The following TASP1 variants were observed in gnomAD, a reference collection of about 807,000 sequenced individuals.
The protein encoded by TASP1 is threonine aspartase 1.
A neutral mutation model predicts 56.6 loss-of-function variants in TASP1; 16 were observed. That is an observed-to-expected ratio of 0.28 (90% CI 0.19 to 0.43). The LOEUF (loss-of-function observed/expected upper bound fraction) is 0.43, where lower values mean the gene tolerates loss of function less well. Among genes scored for constraint, TASP1 ranks in the 20% least tolerant of loss-of-function variants. The pLI, the probability that TASP1 is intolerant of heterozygous loss-of-function variation, is 1.00. For synonymous variants in TASP1, 179 were observed against 184.2 expected, an observed-to-expected ratio of 0.97 and a Z score of 0.23; for missense variants, 393 against 511.6, an observed-to-expected ratio of 0.77 and a Z score of 2.24.
intron 7 of TASP1, among the ~76,000 whole-genome samples, chr20:13,568,651 AT>A (rs889340650): frequency 3.9e-4 from 59 of 152,204 alleles, no homozygotes; most frequent in Non-Finnish European, 5.6e-4. Flanking sequence ...TGGGTATAAG[AT>A]TTTTTTCAAA....
chr20:13,340,103 C>A, the TASP1 span, among the ~76,000 whole-genome samples: 2 of 152,064 alleles, frequency 1.3e-5, 1 homozygote, highest in South Asian at 4.2e-4. Flanking sequence ...GGGCATATGA[C>A]ACATTTCTAG....
At chr20:13,507,483 T>C (rs1177064097) in intron 10 of TASP1, among the ~76,000 whole-genome samples, 1 of 152,226 alleles carries the variant, frequency 6.6e-6, no homozygotes, top group Admixed American at 6.5e-5. Context: ...TGAGCCATGA[T>C]TGTGCAACTG....
chr20:13,519,151 G>T (rs1027477139), intron 10 of TASP1, among the ~76,000 whole-genome samples: 2 of 152,018 alleles, frequency 1.3e-5, no homozygotes, highest in African/African-American at 2.4e-5. Context: ...ATAAAGATAG[G>T]AACAATAGAC....
the TASP1 span, among the ~76,000 whole-genome samples, chr20:13,137,849 GCC>G: frequency 3.3e-5 from 5 of 151,970 alleles, no homozygotes; most frequent in Admixed American, 3.3e-4. Context: ...CCTCATATTT[GCC>G]CCTTCACCAC....
chr20:13,292,393 G>T, the TASP1 span: 3 of 1,604,618 alleles, frequency 1.9e-6, no homozygotes, highest in Non-Finnish European at 2.6e-6. Flanking sequence ...ACACTTTTAG[G>T]ACAGCTGCCA....
In TASP1 at chr20:13,558,999, C is replaced by T. The variant is rs1322599612; in HGVS notation, c.675+9G>A. ...TACATTAATTTGAATATTTCAAACA[C>T]CACCTGACCTTCTCACTTGATTGTC... On this transcript the variant is annotated intron_variant, in intron 8 of 13. Transcript: ENST00000337743. The T allele has an allele frequency of 1.3e-6, 2 of 1,545,352 alleles. No homozygotes were observed. The highest frequency in any genetic ancestry group is 1.8e-6 in the Non-Finnish European group (2 of 1,134,484).
intron 4 of TASP1, among the ~76,000 whole-genome samples, chr20:13,619,704 T>C (rs6514424): frequency 0.26 from 39,899 of 152,046 alleles, 6,613 homozygotes; most frequent in African/African-American, 0.47. Flanking sequence ...CATCCAAATG[T>C]ATAGTCCCAA....
chr20:13,623,723 A>G (rs2048794680), intron 3 of TASP1, among the ~76,000 whole-genome samples: 1 of 152,244 alleles, frequency 6.6e-6, no homozygotes, highest in Admixed American at 6.5e-5. Flanking sequence ...ATATTATTCA[A>G]ATTAAAACAA....
chr20:13,346,058 G>A, the TASP1 span, among the ~76,000 whole-genome samples: 2 of 152,098 alleles, frequency 1.3e-5, no homozygotes, highest in South Asian at 2.1e-4. Flanking sequence ...ATTAACCTTG[G>A]CAATCTGACT....
the TASP1 span, among the ~76,000 whole-genome samples, chr20:13,236,575 A>G: frequency 1.3e-5 from 2 of 152,298 alleles, no homozygotes; most frequent in African/African-American, 2.4e-5. Context: ...CCAAAAGTCC[A>G]CAGTCCAAAG....
the TASP1 span, among the ~76,000 whole-genome samples, chr20:13,382,995 A>T: frequency 6.6e-6 from 1 of 152,170 alleles, no homozygotes; most frequent in South Asian, 2.1e-4. Context: ...AGCCATGTGA[A>T]GCCATCTGGA....
At chr20:13,559,504 T>C (rs1235422700) in intron 7 of TASP1, among the ~76,000 whole-genome samples, 2 of 152,164 alleles carry the variant, frequency 1.3e-5, no homozygotes. Flanking sequence ...GTCTCAATGG[T>C]TGATATTCCC....
intron 12 of TASP1, among the ~76,000 whole-genome samples, chr20:13,423,484 G>T (rs1215578306): frequency 1.3e-5 from 2 of 151,932 alleles, no homozygotes; most frequent in Non-Finnish European, 2.9e-5. Context: ...GTGACATGCT[G>T]CAGTTTAAAA....
At chr20:13,616,368 G>T (rs1315531482) in intron 4 of TASP1, among the ~76,000 whole-genome samples, 5 of 152,086 alleles carry the variant, frequency 3.3e-5, no homozygotes, top group Non-Finnish European at 5.9e-5. Context: ...TACATAGAGA[G>T]TTCCATGCTC....
At chr20:13,221,851 C>G in the TASP1 span, 1 of 1,440,008 alleles carries the variant, frequency 6.9e-7, no homozygotes, top group Non-Finnish European at 9.1e-7. Context: ...CCGTGCTGCG[C>G]GGCTCGGGAG....
the TASP1 span, among the ~76,000 whole-genome samples, chr20:13,293,277 G>A: frequency 1.3e-5 from 2 of 152,046 alleles, no homozygotes; most frequent in East Asian, 1.9e-4. Context: ...CTAGAAAATG[G>A]TAGAGCAAAT....
At chr20:13,452,469 A>C (rs1189268322) in intron 11 of TASP1, among the ~76,000 whole-genome samples, 1 of 151,858 alleles carries the variant, frequency 6.6e-6, no homozygotes. Flanking sequence ...GACACAATTT[A>C]CTTATATAAA....
At chr20:13,108,262 A>AAC in the TASP1 span, among the ~76,000 whole-genome samples, 2 of 152,182 alleles carry the variant, frequency 1.3e-5, no homozygotes, top group Admixed American at 1.3e-4. Flanking sequence ...ATTAAAAAGA[A>AAC]ACACACACAC....
At chr20:13,253,727 A>C in the TASP1 span, among the ~76,000 whole-genome samples, 1 of 152,144 alleles carries the variant, frequency 6.6e-6, no homozygotes, top group Non-Finnish European at 1.5e-5. Flanking sequence ...CATTTTGAGA[A>C]CACATGAATT....
Sources: allele counts gnomAD v4.1 joint callset (sites outside exome capture counted in the v4.1 genomes callset), GRCh38; gene constraint gnomAD v4.1.1; transcripts MANE v1.5; gene names NCBI Gene and HGNC (gene_info 2026-07-23, HGNC 2026-07-21).